CNOT2: variants seen among roughly 807,000 people sequenced by gnomAD.
CNOT2 encodes the protein CCR4-NOT transcription complex subunit 2.
A neutral mutation model predicts 72.1 loss-of-function variants in CNOT2; 7 were observed. That is an observed-to-expected ratio of 0.10 (90% CI 0.06 to 0.18). The LOEUF is 0.18. CNOT2 is among the 10% of genes least tolerant of loss of function. CNOT2 has a pLI of 1.00. For missense variants in CNOT2, 345 were observed against 660.3 expected (o/e 0.52, Z 5.23); for synonymous variants, 196 against 225.6 (o/e 0.87, Z 1.17).
intron 1 of CNOT2, among the ~76,000 whole-genome samples, chr12:70,245,280 G>A (rs1957827915): frequency 6.6e-6 from 1 of 152,110 alleles, no homozygotes; most frequent in African/African-American, 2.4e-5. Flanking sequence ...GACAAAACAT[G>A]TTCCACTCTA....
At chr12:70,262,061 T>G (rs1299133195) in intron 1 of CNOT2, among the ~76,000 whole-genome samples, 1 of 152,140 alleles carries the variant, frequency 6.6e-6, no homozygotes, top group Non-Finnish European at 1.5e-5. Flanking sequence ...AATGTACTGT[T>G]TCTTTCCTGT....
At chr12:70,260,625 C>A (rs961654368) in intron 1 of CNOT2, among the ~76,000 whole-genome samples, 2 of 151,874 alleles carry the variant, frequency 1.3e-5, no homozygotes, top group African/African-American at 2.4e-5. Flanking sequence ...TTGTTGTATT[C>A]ATTATTGACA....
chr12:70,254,684 G>A (rs2135713253), intron 1 of CNOT2, among the ~76,000 whole-genome samples: 1 of 152,120 alleles, frequency 6.6e-6, no homozygotes, highest in Non-Finnish European at 1.5e-5. Flanking sequence ...TATTTAAATA[G>A]ATATCTGGTT....
intron 9 of CNOT2, 187 bp from the exon 10 acceptor site, chr12:70,338,256 G>T: frequency 4.5e-6 from 2 of 443,640 alleles, no homozygotes; most frequent in Non-Finnish European, 3.9e-6. Flanking sequence ...AAATGTGGAT[G>T]ATATAGGATT....
chr12:70,264,218 T>A (rs1446646637), intron 1 of CNOT2, among the ~76,000 whole-genome samples: 3 of 152,206 alleles, frequency 2.0e-5, no homozygotes, highest in Non-Finnish European at 4.4e-5. Flanking sequence ...TGTTCCTAGC[T>A]ATCTCTCTTC....
intron 3 of CNOT2, among the ~76,000 whole-genome samples, chr12:70,311,598 G>A (rs1296106171): frequency 2.6e-5 from 4 of 151,874 alleles, no homozygotes; most frequent in Non-Finnish European, 4.4e-5. Context: ...AATCCCATTT[G>A]GGATAAAAGG....
At chr12:70,341,304 T>C (rs1565831316) in intron 11 of CNOT2, among the ~76,000 whole-genome samples, 1 of 152,174 alleles carries the variant, frequency 6.6e-6, no homozygotes, top group Non-Finnish European at 1.5e-5. Context: ...GCCACCTTGT[T>C]ATATCTCAGG....
chr12:70,291,600 G>A (rs1179426495), intron 2 of CNOT2, among the ~76,000 whole-genome samples: 1 of 152,186 alleles, frequency 6.6e-6, no homozygotes, highest in Non-Finnish European at 1.5e-5. Flanking sequence ...CTTTGTTAAA[G>A]CATTTCCATT....
At chr12:70,247,572 C>T (rs1319673993) in intron 1 of CNOT2, among the ~76,000 whole-genome samples, 2 of 152,140 alleles carry the variant, frequency 1.3e-5, no homozygotes, top group African/African-American at 4.8e-5. Context: ...CCATACTCCT[C>T]TTTGGTATCA....
At chr12:70,248,595 A>G (rs1055455180) in intron 1 of CNOT2, among the ~76,000 whole-genome samples, 2 of 152,086 alleles carry the variant, frequency 1.3e-5, no homozygotes, top group African/African-American at 4.8e-5. Flanking sequence ...TCTGGCCTTT[A>G]TAGGTTTGTT....
At chr12:70,293,430 A>AT (rs1181981280) in intron 2 of CNOT2, among the ~76,000 whole-genome samples, 2 of 152,156 alleles carry the variant, frequency 1.3e-5, no homozygotes, top group Non-Finnish European at 2.9e-5. Flanking sequence ...AAGTGCTGGG[A>AT]TTACAGGCAT....
Position 70,257,813 on chromosome 12 carries a change from C to T in CNOT2, c.-96+14333C>T, listed in dbSNP as rs559859806. The stretch of plus-strand genomic sequence containing the variant: ...AGTTCATTAATGTATATTGAAAACT[C>T]GTACAGGCCTAACAAATGTAAATAT... On this transcript the variant is annotated intron_variant, in intron 1 of 15. Coordinates refer to ENST00000229195, the MANE Select transcript of CNOT2 (RefSeq NM_014515.7). Among the ~76,000 whole-genome samples the T allele has an allele frequency of 1.1e-4, 16 of 152,190 alleles. No homozygotes were observed. In the East Asian group the frequency reaches 2.9e-3, roughly 28 times the overall value.
intron 2 of CNOT2, chr12:70,293,946 TAG>T: frequency 4.6e-6 from 1 of 218,554 alleles, no homozygotes; most frequent in South Asian, 4.7e-5. Context: ...TTTTTAAACT[TAG>T]TACTTTGAAT....
At position 70,332,859 on chromosome 12, in the gene CNOT2, T is replaced by C. The variant is rs1180737690; in HGVS notation, c.649+13T>C. The C allele has an allele frequency of 6.3e-7, 1 of 1,598,862 alleles. No individual in the cohort carries two copies. Among genetic ancestry groups the C allele is most frequent in the East Asian group, 2.3e-5 (1 of 44,142 alleles). On this transcript the variant is annotated intron_variant, in intron 7 of 15. Coordinates refer to ENST00000229195, the MANE Select transcript of CNOT2 (RefSeq NM_014515.7). ...TTTAATGGAACAGGTAAGCTTATTCTGGAGCTAGTACCCTACAAAAAGTAT... is the reference window on the plus strand; with the variant it reads ...TTTAATGGAACAGGTAAGCTTATTCCGGAGCTAGTACCCTACAAAAAGTAT...
intron 2 of CNOT2, chr12:70,285,330 CT>C (rs1749036274): frequency 6.6e-6 from 1 of 151,758 alleles, no homozygotes; most frequent in South Asian, 2.1e-4. Context: ...CTGCCTCAGC[CT>C]CCTGAGTAGC....
intron 1 of CNOT2, among the ~76,000 whole-genome samples, chr12:70,246,962 T>C (rs1339190821): frequency 6.6e-6 from 1 of 152,158 alleles, no homozygotes; most frequent in East Asian, 1.9e-4. Flanking sequence ...CAGTTTACAA[T>C]GTTTGCTTTT....
chr12:70,282,959 C>T (rs1244028023), intron 2 of CNOT2, among the ~76,000 whole-genome samples: 1 of 152,102 alleles, frequency 6.6e-6, no homozygotes, highest in Non-Finnish European at 1.5e-5. Flanking sequence ...AGGATTTCTG[C>T]ATAATACAGA....
intron 1 of CNOT2, among the ~76,000 whole-genome samples, chr12:70,246,113 T>C (rs1313107389): frequency 6.6e-6 from 1 of 152,216 alleles, no homozygotes; most frequent in African/African-American, 2.4e-5. Flanking sequence ...ATGCTTCACA[T>C]GTATATATGA....
intron 1 of CNOT2, among the ~76,000 whole-genome samples, chr12:70,270,911 GA>G (rs2135776751): frequency 6.6e-6 from 1 of 152,042 alleles, no homozygotes; most frequent in South Asian, 2.1e-4. Flanking sequence ...GAATGGTTCG[GA>G]AGGACTTATA....
Sources: gnomAD v4.1 joint callset for allele counts (sites outside exome capture counted in the v4.1 genomes callset) on GRCh38, gnomAD v4.1.1 for gene constraint, MANE v1.5 for transcripts, NCBI Gene and HGNC (gene_info 2026-07-23, HGNC 2026-07-21) for gene names.